ATF2: variants seen among roughly 807,000 people sequenced by gnomAD.
ATF2 encodes the protein cyclic AMP-dependent transcription factor ATF-2.
A neutral mutation model predicts 60.6 loss-of-function variants in ATF2; 24 were observed. That is an observed-to-expected ratio of 0.40 (90% confidence interval 0.29 to 0.56). The LOEUF is 0.56. Ranked by LOEUF, ATF2 falls within the 20% of genes least tolerant of loss-of-function variation. The pLI, the probability that ATF2 is intolerant of heterozygous loss-of-function variation, is 0.54. For synonymous variants in ATF2, 206 were observed against 215.4 expected (o/e 0.96, Z 0.38); for missense variants, 433 against 607.7 (o/e 0.71, Z 3.02).
chr2:175,076,886 T>G (rs989735303), intron 13 of ATF2, among the ~76,000 whole-genome samples: 4 of 152,044 alleles, frequency 2.6e-5, no homozygotes, highest in Non-Finnish European at 5.9e-5. Flanking sequence ...CATGTTGGTG[T>G]GCTGCACCCA....
intron 9 of ATF2, 57 bp downstream of exon 9, chr2:175,113,937 T>C: frequency 1.4e-6 from 2 of 1,439,398 alleles, no homozygotes; most frequent in South Asian, 2.4e-5. Context: ...CCAACTTTAT[T>C]TTCTGACTAC....
chr2:175,163,136 A>AAAATAAAT (rs576175911), intron 1 of ATF2, among the ~76,000 whole-genome samples: 7 of 115,176 alleles, frequency 6.1e-5, no homozygotes, highest in South Asian at 2.8e-4. Context: ...TCTGTCTCAA[A>AAAATAAAT]AAATAAATAA....
intron 2 of ATF2, among the ~76,000 whole-genome samples, chr2:175,142,718 AGAGT>A (rs138887045): frequency 0.31 from 34,236 of 109,604 alleles, 3,109 homozygotes; most frequent in East Asian, 0.44. Context: ...AGAGAGAGAG[AGAGT>A]GTGTGTGTGT....
intron 12 of ATF2, among the ~76,000 whole-genome samples, chr2:175,081,820 G>A (rs1047348008): frequency 6.6e-6 from 1 of 152,222 alleles, no homozygotes; most frequent in Non-Finnish European, 1.5e-5. Flanking sequence ...GGAGGCCGAG[G>A]CAGTTGTATC....
chr2:175,165,482 C>G (rs963533220), intron 1 of ATF2, among the ~76,000 whole-genome samples: 3 of 152,056 alleles, frequency 2.0e-5, no homozygotes, highest in Non-Finnish European at 4.4e-5. Flanking sequence ...TCATTAAAAC[C>G]GAAGTTTTCC....
chr2:175,148,548 G>T (rs1168660279), intron 2 of ATF2, among the ~76,000 whole-genome samples: 1 of 152,006 alleles, frequency 6.6e-6, no homozygotes, highest in Non-Finnish European at 1.5e-5. Context: ...ACTAGTTAAG[G>T]CCATGATGGG....
chr2:175,097,159 T>C (rs1279078827), intron 11 of ATF2, among the ~76,000 whole-genome samples: 1 of 152,258 alleles, frequency 6.6e-6, no homozygotes, highest in African/African-American at 2.4e-5. Flanking sequence ...TCAGTTTCAC[T>C]GTCCTAAAAT....
At chr2:175,146,437 G>GTGAT (rs1164410933) in intron 2 of ATF2, among the ~76,000 whole-genome samples, 2 of 152,182 alleles carry the variant, frequency 1.3e-5, no homozygotes, top group Admixed American at 6.5e-5. Flanking sequence ...TGGACATATT[G>GTGAT]TGATTTTGTA....
chr2:175,155,220 TTCA>T (rs1436323259), intron 1 of ATF2, among the ~76,000 whole-genome samples: 2 of 152,218 alleles, frequency 1.3e-5, no homozygotes, highest in Admixed American at 1.3e-4. Context: ...TCTCCCACTT[TTCA>T]CAAGAAATCC....
intron 2 of ATF2, among the ~76,000 whole-genome samples, chr2:175,143,029 T>A (rs1159378665): frequency 6.6e-6 from 1 of 152,188 alleles, no homozygotes; most frequent in Non-Finnish European, 1.5e-5. Context: ...GCTGAAGTTT[T>A]CATTGGCGTT....
intron 10 of ATF2, among the ~76,000 whole-genome samples, chr2:175,106,710 C>G (rs1389422991): frequency 6.6e-6 from 1 of 151,588 alleles, no homozygotes; most frequent in Non-Finnish European, 1.5e-5. Context: ...GTGGCGGAAG[C>G]CTGTAATCCC....
At position 175,074,445 on chromosome 2, in the gene ATF2, G is replaced by T; in HGVS notation, c.*164C>A. 1 of 764,620 alleles carries T rather than the reference G, an allele frequency of 1.3e-6. No individual in the cohort carries two copies. Among genetic ancestry groups the T allele is most frequent in the Non-Finnish European group, 1.9e-6 (1 of 518,430 alleles). The allele number at this position is 764,620 out of a possible 1,614,324, so 47.4% of individuals were successfully genotyped here. Reference sequence around the variant, plus strand: ...TCCAGAGACTAAAAACCGTTTTTCAGTCTGATCAACTGCTGCTACACCAAC... The same window carrying T: ...TCCAGAGACTAAAAACCGTTTTTCATTCTGATCAACTGCTGCTACACCAAC... On this transcript the variant is annotated 3_prime_UTR_variant, in exon 14 of 14. Coordinates refer to ENST00000264110, the MANE Select transcript of ATF2 (RefSeq NM_001880.4).
chr2:175,125,371 T>C (rs899156105), intron 4 of ATF2, among the ~76,000 whole-genome samples: 3 of 152,068 alleles, frequency 2.0e-5, no homozygotes, highest in Admixed American at 6.6e-5. Context: ...TGATCAGTAA[T>C]ACTTGCAAAG....
intron 2 of ATF2, among the ~76,000 whole-genome samples, chr2:175,149,955 C>G (rs1699196144): frequency 6.6e-6 from 1 of 152,166 alleles, no homozygotes; most frequent in South Asian, 2.1e-4. Flanking sequence ...TTATTGAGCA[C>G]ATGCAATAGG....
intron 3 of ATF2, among the ~76,000 whole-genome samples, chr2:175,131,513 T>A (rs1256118960): frequency 6.6e-6 from 1 of 152,190 alleles, no homozygotes; most frequent in Non-Finnish European, 1.5e-5. Context: ...CATTTTCTTG[T>A]ACCCTGTACA....
chr2:175,118,693 T>C (rs1310339300), intron 5 of ATF2, among the ~76,000 whole-genome samples: 2 of 151,832 alleles, frequency 1.3e-5, no homozygotes, highest in Non-Finnish European at 3.0e-5. Context: ...ATAAAGAATT[T>C]TTTAAATTTA....
At chr2:175,167,537 T>C (rs923629490) in intron 1 of ATF2, 5 of 441,422 alleles carry the variant, frequency 1.1e-5, no homozygotes, top group African/African-American at 8.1e-5. Flanking sequence ...CGCCTCCCGA[T>C]CCTCCTCCCC....
intron 13 of ATF2, among the ~76,000 whole-genome samples, chr2:175,075,929 C>T (rs535986450): frequency 6.6e-6 from 1 of 152,258 alleles, no homozygotes; most frequent in South Asian, 2.1e-4. Context: ...TTTCACTTGG[C>T]ATTAAAACTT....
chr2:175,158,866 G>C (rs1030366883), intron 1 of ATF2, among the ~76,000 whole-genome samples: 2 of 152,054 alleles, frequency 1.3e-5, no homozygotes, highest in African/African-American at 4.8e-5. Flanking sequence ...ACAGAATAGT[G>C]CATGACACTA....
Sources: gnomAD v4.1 joint callset for allele counts (sites outside exome capture counted in the v4.1 genomes callset) on GRCh38, gnomAD v4.1.1 for gene constraint, MANE v1.5 for transcripts, NCBI Gene and HGNC (gene_info 2026-07-23, HGNC 2026-07-21) for gene names.